The following PDZRN4 variants were observed in gnomAD, a reference collection of about 807,000 sequenced individuals.
The protein encoded by PDZRN4 is PDZ domain-containing RING finger protein 4.
In PDZRN4, 70 loss-of-function variants were observed where a neutral mutation model predicts 99.0. The ratio of observed to expected loss-of-function variants is 0.71; its 90% CI spans 0.58 to 0.86. The LOEUF (loss-of-function observed/expected upper bound fraction) is 0.86. Ranked by LOEUF, PDZRN4 falls within the 40% of genes least tolerant of loss-of-function variation. The probability of loss-of-function intolerance (pLI) is 0.00; values close to 1 mark genes in which losing one functional copy is unlikely to be tolerated. For missense variants in PDZRN4, 1,474 were observed against 1,331.2 expected, an observed-to-expected ratio of 1.11 and a Z score of -1.67; for synonymous variants, 551 against 501.6, an observed-to-expected ratio of 1.10 and a Z score of -1.32.
intron 3 of PDZRN4, chr12:41,477,988 A>G (rs1937620299): frequency 4.1e-6 from 4 of 973,724 alleles, no homozygotes; most frequent in Admixed American, 2.0e-5. Context: ...ATTAATCTAC[A>G]TGATATAGAT....
intron 3 of PDZRN4, among the ~76,000 whole-genome samples, chr12:41,465,474 A>G (rs541684960): frequency 6.6e-6 from 1 of 152,354 alleles, no homozygotes; most frequent in South Asian, 2.1e-4. Context: ...TTGGACAAAG[A>G]AAAGCTAACA....
intron 3 of PDZRN4, among the ~76,000 whole-genome samples, chr12:41,433,335 T>C (rs767647002): frequency 5.9e-5 from 9 of 152,194 alleles, no homozygotes; most frequent in Non-Finnish European, 1.2e-4. Flanking sequence ...GAATTTGTCG[T>C]TGGAAAACTG....
At chr12:41,360,306 C>G (rs951158529) in intron 3 of PDZRN4, among the ~76,000 whole-genome samples, 3 of 151,942 alleles carry the variant, frequency 2.0e-5, no homozygotes, top group Non-Finnish European at 4.4e-5. Flanking sequence ...TTGCTTAACT[C>G]AAGGAACATC....
intron 3 of PDZRN4, among the ~76,000 whole-genome samples, chr12:41,218,563 C>T (rs189531893): frequency 6.6e-6 from 1 of 152,172 alleles, no homozygotes; most frequent in East Asian, 1.9e-4. Flanking sequence ...TGACATACCC[C>T]CTGTAAAGAG....
intron 3 of PDZRN4, among the ~76,000 whole-genome samples, chr12:41,484,900 G>C (rs1343948411): frequency 2.6e-5 from 4 of 152,072 alleles, no homozygotes. Context: ...TGACAACAAA[G>C]TGACTTGCGT....
chr12:41,414,636 A>T (rs780668320), intron 3 of PDZRN4, among the ~76,000 whole-genome samples: 118 of 152,200 alleles, frequency 7.8e-4, no homozygotes, highest in Non-Finnish European at 1.5e-3. Context: ...TCTTCAAATT[A>T]AAAAAATTAT....
At chr12:41,283,827 A>G (rs1394015930) in intron 3 of PDZRN4, among the ~76,000 whole-genome samples, 1 of 152,148 alleles carries the variant, frequency 6.6e-6, no homozygotes, top group Admixed American at 6.6e-5. Flanking sequence ...TGCTAAAAAC[A>G]CTCAATAAAC....
intron 5 of PDZRN4, among the ~76,000 whole-genome samples, chr12:41,539,078 CA>C (rs1192633551): frequency 6.6e-6 from 1 of 151,586 alleles, no homozygotes; most frequent in African/African-American, 2.4e-5. Flanking sequence ...GCAATTATGC[CA>C]ATAAGTGATA....
chr12:41,340,228 T>G (rs1470949648), intron 3 of PDZRN4, among the ~76,000 whole-genome samples: 1 of 151,976 alleles, frequency 6.6e-6, no homozygotes, highest in Non-Finnish European at 1.5e-5. Flanking sequence ...ATGTATAGAA[T>G]AGAGAACGAT....
intron 5 of PDZRN4, among the ~76,000 whole-genome samples, chr12:41,522,680 G>A (rs1188611252): frequency 6.6e-6 from 1 of 152,028 alleles, no homozygotes; most frequent in East Asian, 1.9e-4. Context: ...TCAGATGTTG[G>A]GAAATTAGCT....
chr12:41,543,689 T>A (rs1938900402), intron 5 of PDZRN4, among the ~76,000 whole-genome samples: 1 of 152,178 alleles, frequency 6.6e-6, no homozygotes, highest in Non-Finnish European at 1.5e-5. Flanking sequence ...GGTCTATATA[T>A]TGTGGCATGA....
chr12:41,217,232 C>G (rs552964872), intron 3 of PDZRN4, among the ~76,000 whole-genome samples: 17 of 152,132 alleles, frequency 1.1e-4, no homozygotes, highest in Non-Finnish European at 1.6e-4. Flanking sequence ...ACTCAATGAA[C>G]CATTTTGTCT....
intron 3 of PDZRN4, among the ~76,000 whole-genome samples, chr12:41,415,101 A>G (rs1433577859): frequency 6.6e-6 from 1 of 152,148 alleles, no homozygotes; most frequent in Non-Finnish European, 1.5e-5. Context: ...GGGATGTAGT[A>G]TGATCCTGTT....
intron 3 of PDZRN4, among the ~76,000 whole-genome samples, chr12:41,407,493 TA>T (rs1381507886): frequency 1.1e-4 from 17 of 152,252 alleles, no homozygotes; most frequent in African/African-American, 3.9e-4. Flanking sequence ...TTCATGTTCA[TA>T]ATAACTAGGA....
intron 3 of PDZRN4, among the ~76,000 whole-genome samples, chr12:41,255,766 C>T (rs1353208381): frequency 2.0e-5 from 3 of 152,128 alleles, no homozygotes; most frequent in Non-Finnish European, 1.5e-5. Context: ...AGCTTTTACT[C>T]ATGTCAGAAG....
chr12:41,365,898 C>T (rs892047952), intron 3 of PDZRN4, among the ~76,000 whole-genome samples: 4 of 152,126 alleles, frequency 2.6e-5, no homozygotes, highest in African/African-American at 9.7e-5. Context: ...CTGGCCTTTG[C>T]TCTCTGCCAG....
In PDZRN4 at chr12:41,189,021, C is replaced by T. The variant is rs1950716638; in HGVS notation, c.566C>T (p.Ala189Val). 1.3e-6 allele frequency: 2 copies of T among 1,560,734 alleles called. No individual in the cohort carries two copies. The highest frequency in any genetic ancestry group is 8.6e-7 in the Non-Finnish European group (1 of 1,161,458). The change falls in exon 1 of 10, where the codon GCG (alanine) becomes GTG (valine). Residue 189 changes from alanine (A) to valine (V), a missense_variant. Transcript: ENST00000402685. ...WALQGEVQLT[A>V]RRYQEKFTQY... ...CTGCAGGGCGAGGTGCAGCTCACGGCGCGCAGGTACCAGGAGAAGTTCACC... is the reference window on the plus strand; with the variant it reads ...CTGCAGGGCGAGGTGCAGCTCACGGTGCGCAGGTACCAGGAGAAGTTCACC...
At chr12:41,404,530 A>T (rs1386249194) in intron 3 of PDZRN4, among the ~76,000 whole-genome samples, 3 of 152,180 alleles carry the variant, frequency 2.0e-5, no homozygotes. Context: ...ATGGAAAAAC[A>T]TTCCACACTC....
At chr12:41,350,765 A>G (rs543838297) in intron 3 of PDZRN4, among the ~76,000 whole-genome samples, 1 of 152,236 alleles carries the variant, frequency 6.6e-6, no homozygotes, top group South Asian at 2.1e-4. Context: ...ATATCCCCCC[A>G]GTTATGTTGG....
Sources: allele counts gnomAD v4.1 joint callset (sites outside exome capture counted in the v4.1 genomes callset), GRCh38; gene constraint gnomAD v4.1.1; transcripts MANE v1.5; gene names NCBI Gene and HGNC (gene_info 2026-07-23, HGNC 2026-07-21).